The following TAFA1 variants were observed in gnomAD, a reference collection of about 807,000 sequenced individuals.
TAFA1 encodes the protein chemokine-like protein TAFA-1.
In TAFA1, 4 loss-of-function variants were observed where a neutral mutation model predicts 18.5. The observed-to-expected ratio is 0.22, with a 90% CI of 0.11 to 0.49. TAFA1 has a LOEUF of 0.49. TAFA1 is among the 20% of genes least tolerant of loss of function. The probability of loss-of-function intolerance (pLI) is 0.98; values close to 1 mark genes in which losing one functional copy is unlikely to be tolerated. For synonymous variants in TAFA1, 56 were observed against 55.2 expected (o/e 1.01, Z -0.06); for missense variants, 147 against 169.0 (o/e 0.87, Z 0.72).
intron 2 of TAFA1, among the ~76,000 whole-genome samples, chr3:68,236,048 G>T (rs1373880616): frequency 6.6e-6 from 1 of 152,060 alleles, no homozygotes; most frequent in East Asian, 1.9e-4. Context: ...CAATTAACTT[G>T]TTTCTCATTA....
intron 2 of TAFA1, among the ~76,000 whole-genome samples, chr3:68,214,903 T>C (rs972062606): frequency 1.3e-5 from 2 of 151,964 alleles, no homozygotes; most frequent in African/African-American, 4.8e-5. Flanking sequence ...AGTGGGGAGT[T>C]CCCCACAATT....
At chr3:68,324,630 T>C (rs2068748750) in intron 2 of TAFA1, among the ~76,000 whole-genome samples, 1 of 152,142 alleles carries the variant, frequency 6.6e-6, no homozygotes, top group Non-Finnish European at 1.5e-5. Context: ...GTAATTGCAT[T>C]TGTTGCCATT....
Position 68,274,081 on chromosome 3 carries a change from A to G in TAFA1, c.119-143199A>G, listed in dbSNP as rs79526374. ...GAAATGAGTGCAAGTCTTATTAAGA[A>G]CTGTGGGAGTTGGCTGGCCTTGAAA... On this transcript the variant is annotated intron_variant, in intron 2 of 4. Transcript: ENST00000478136. Among the ~76,000 whole-genome samples the G allele has an allele frequency of 2.8e-3, 432 of 152,322 alleles. 5 individuals carry two copies. The highest frequency in any genetic ancestry group is 0.01 in the African/African-American group (416 of 41,572).
intron 2 of TAFA1, among the ~76,000 whole-genome samples, chr3:68,254,133 G>GTATGTATGTATGTATCTATC (rs751671637): frequency 6.3e-5 from 7 of 111,116 alleles, no homozygotes; most frequent in Admixed American, 3.0e-4. Flanking sequence ...ATGTATGTAT[G>GTATGTATGTATGTATCTATC]TATCTATCTA....
At chr3:68,151,496 C>T (rs2065805593) in intron 2 of TAFA1, among the ~76,000 whole-genome samples, 2 of 152,124 alleles carry the variant, frequency 1.3e-5, no homozygotes, top group African/African-American at 4.8e-5. Flanking sequence ...GCTCACAGTT[C>T]TGGAGGCTGG....
chr3:68,045,448 A>G (rs770718954), intron 2 of TAFA1, among the ~76,000 whole-genome samples: 1 of 152,228 alleles, frequency 6.6e-6, no homozygotes, highest in Non-Finnish European at 1.5e-5. Context: ...CACCATAGTT[A>G]GTATTATAGA....
At chr3:68,302,621 T>C (rs1365086476) in intron 2 of TAFA1, among the ~76,000 whole-genome samples, 1 of 152,122 alleles carries the variant, frequency 6.6e-6, no homozygotes, top group Non-Finnish European at 1.5e-5. Flanking sequence ...GTCTTTTCCA[T>C]TGTTGTATCC....
intron 3 of TAFA1, among the ~76,000 whole-genome samples, chr3:68,452,161 C>T (rs770986232): frequency 3.3e-5 from 5 of 152,124 alleles, no homozygotes; most frequent in African/African-American, 4.8e-5. Flanking sequence ...GAAGGACATG[C>T]GGTTGTGGTC....
At chr3:68,289,714 T>G (rs1156475473) in intron 2 of TAFA1, among the ~76,000 whole-genome samples, 2 of 152,214 alleles carry the variant, frequency 1.3e-5, no homozygotes, top group Non-Finnish European at 2.9e-5. Context: ...CTTCAAATTT[T>G]GCAGATGAAT....
intron 2 of TAFA1, among the ~76,000 whole-genome samples, chr3:68,359,688 C>T (rs1170043760): frequency 6.6e-6 from 1 of 151,816 alleles, no homozygotes; most frequent in Non-Finnish European, 1.5e-5. Context: ...TTCTGAACTA[C>T]AGAGCTGTAA....
At chr3:68,321,355 G>A (rs1034628717) in intron 2 of TAFA1, among the ~76,000 whole-genome samples, 2 of 152,136 alleles carry the variant, frequency 1.3e-5, no homozygotes, top group African/African-American at 4.8e-5. Context: ...GTGTGCCATA[G>A]TAAAGGCTCA....
intron 2 of TAFA1, among the ~76,000 whole-genome samples, chr3:68,129,419 A>G (rs373529136): frequency 5.4e-4 from 82 of 152,276 alleles, no homozygotes; most frequent in African/African-American, 1.8e-3. Context: ...AAGATACTCA[A>G]TCTCTTCAAG....
At chr3:68,476,864 G>A (rs375628915) in intron 3 of TAFA1, among the ~76,000 whole-genome samples, 1 of 152,104 alleles carries the variant, frequency 6.6e-6, no homozygotes, top group Non-Finnish European at 1.5e-5. Context: ...GATGAAATGA[G>A]TATGTTCTAT....
intron 3 of TAFA1, among the ~76,000 whole-genome samples, chr3:68,483,563 A>C (rs2072276269): frequency 6.6e-6 from 1 of 152,234 alleles, no homozygotes; most frequent in South Asian, 2.1e-4. Context: ...GGAGAAGAAG[A>C]CAAAATACAA....
At chr3:68,201,593 C>G (rs577119077) in intron 2 of TAFA1, among the ~76,000 whole-genome samples, 39 of 151,822 alleles carry the variant, frequency 2.6e-4, no homozygotes, top group Non-Finnish European at 5.2e-4. Context: ...ATTATTATGT[C>G]TTCTTGGAGA....
intron 3 of TAFA1, among the ~76,000 whole-genome samples, chr3:68,439,740 T>C (rs1193451151): frequency 1.3e-5 from 2 of 151,754 alleles, no homozygotes; most frequent in African/African-American, 2.4e-5. Context: ...CAAATGTTAA[T>C]CTCCTTTGGC....
chr3:68,226,331 C>G (rs2066799957), intron 2 of TAFA1, among the ~76,000 whole-genome samples: 1 of 152,346 alleles, frequency 6.6e-6, no homozygotes, highest in East Asian at 1.9e-4. Context: ...CATATTATCA[C>G]AATCATAGGT....
intron 3 of TAFA1, among the ~76,000 whole-genome samples, chr3:68,479,876 G>T (rs189870233): frequency 1.3e-5 from 2 of 150,832 alleles, no homozygotes; most frequent in Admixed American, 6.6e-5. Context: ...TCATACACAC[G>T]CATACACACA....
intron 3 of TAFA1, among the ~76,000 whole-genome samples, chr3:68,482,177 A>G: frequency 6.6e-6 from 1 of 152,130 alleles, no homozygotes; most frequent in South Asian, 2.1e-4. Flanking sequence ...TGCCTGGCTA[A>G]TTTTTTGTAT....
Sources: allele counts gnomAD v4.1 joint callset (sites outside exome capture counted in the v4.1 genomes callset), GRCh38; gene constraint gnomAD v4.1.1; transcripts MANE v1.5; gene names NCBI Gene and HGNC (gene_info 2026-07-23, HGNC 2026-07-21).